The following ABCA13 variants were observed in gnomAD, a reference collection of about 807,000 sequenced individuals.
ABCA13 encodes the protein ATP binding cassette subfamily A member 13, also known as ATP-binding cassette sub-family A member 13.
ABCA13 carries 476 observed loss-of-function variants against 478.7 expected under a neutral mutation model. The observed-to-expected ratio is 0.99, with a 90% CI of 0.92 to 1.07. ABCA13 has a LOEUF of 1.07. Ranked by LOEUF, ABCA13 falls within the 50% of genes least tolerant of loss-of-function variation. The pLI is 0.00. For synonymous variants in ABCA13, 2,252 were observed against 2,158.9 expected, an observed-to-expected ratio of 1.04 and a Z score of -1.20; for missense variants, 6,060 against 5,910.6, an observed-to-expected ratio of 1.03 and a Z score of -0.83.
At chr7:48,469,560 T>C (rs1325641377) in intron 44 of ABCA13, among the ~76,000 whole-genome samples, 5 of 150,346 alleles carry the variant, frequency 3.3e-5, no homozygotes, top group African/African-American at 7.6e-5. Flanking sequence ...GGGTAGTTCT[T>C]GTAGAGAGCT....
chr7:48,219,574 T>C, intron 4 of ABCA13, 69 bp downstream of exon 4: 1 of 1,531,770 alleles, frequency 6.5e-7, no homozygotes, highest in South Asian at 1.3e-5. Flanking sequence ...GTGGAGGCTA[T>C]GAGAACCCAG....
intron 48 of ABCA13, among the ~76,000 whole-genome samples, chr7:48,493,933 C>T (rs1236780601): frequency 6.6e-6 from 1 of 152,148 alleles, no homozygotes; most frequent in African/African-American, 2.4e-5. Context: ...AGCAGGAAAA[C>T]AGACAGAAGT....
chr7:48,451,866 G>C (rs926071782), intron 42 of ABCA13, among the ~76,000 whole-genome samples: 2 of 152,170 alleles, frequency 1.3e-5, no homozygotes, highest in African/African-American at 4.8e-5. Flanking sequence ...TGATGGTCAG[G>C]ATAAATGGGA....
chr7:48,373,698 G>A (rs1371737574), intron 33 of ABCA13, among the ~76,000 whole-genome samples: 1 of 152,156 alleles, frequency 6.6e-6, no homozygotes, highest in Non-Finnish European at 1.5e-5. Flanking sequence ...AGTCATCCAT[G>A]ATCTGACCTG....
chr7:48,639,020 A>G (rs1794904957), intron 59 of ABCA13, among the ~76,000 whole-genome samples: 1 of 152,154 alleles, frequency 6.6e-6, no homozygotes, highest in Non-Finnish European at 1.5e-5. Flanking sequence ...CGCTTCTGTA[A>G]ATCAGAGGCA....
intron 5 of ABCA13, among the ~76,000 whole-genome samples, 196 bp from the exon 6 acceptor site, chr7:48,227,066 T>C (rs1039459276): frequency 2.0e-5 from 3 of 152,060 alleles, no homozygotes; most frequent in Non-Finnish European, 4.4e-5. Flanking sequence ...TAAAAAAAAA[T>C]CCTCCAACTG....
chr7:48,350,613 G>C (rs994515135), intron 29 of ABCA13, 30 bp from the exon 30 acceptor site: 1 of 1,551,308 alleles, frequency 6.4e-7, no homozygotes, highest in Non-Finnish European at 8.7e-7. Flanking sequence ...TACAGAAGTT[G>C]ATGTGTCCTA....
At chr7:48,573,907 A>G (rs1261431003) in intron 55 of ABCA13, among the ~76,000 whole-genome samples, 5 of 152,060 alleles carry the variant, frequency 3.3e-5, no homozygotes, top group Non-Finnish European at 7.3e-5. Flanking sequence ...TGGCTTATAA[A>G]GGACCATCTT....
chr7:48,268,380 A>G (rs1054079581), intron 15 of ABCA13, among the ~76,000 whole-genome samples: 2 of 151,664 alleles, frequency 1.3e-5, no homozygotes, highest in African/African-American at 4.8e-5. Context: ...GCTAGTCTCA[A>G]ACTCCTGACC....
intron 42 of ABCA13, among the ~76,000 whole-genome samples, chr7:48,450,935 C>A (rs10260644): frequency 2.3e-4 from 35 of 150,486 alleles, no homozygotes; most frequent in African/African-American, 8.6e-4. Flanking sequence ...AATACCTACA[C>A]ATTAAATACT....
intron 1 of ABCA13, among the ~76,000 whole-genome samples, chr7:48,189,847 G>C (rs1796860130): frequency 6.6e-6 from 1 of 152,112 alleles, no homozygotes; most frequent in Non-Finnish European, 1.5e-5. Flanking sequence ...GAAAGTATTT[G>C]TAATACCATA....
At chr7:48,449,907 CA>C (rs1342045799) in intron 42 of ABCA13, among the ~76,000 whole-genome samples, 1 of 152,218 alleles carries the variant, frequency 6.6e-6, no homozygotes, top group Non-Finnish European at 1.5e-5. Flanking sequence ...CTACCTGTCA[CA>C]AACATGTTTT....
rs557214708 is a variant in ABCA13, at chr7:48,590,800, G to A, written c.14640+3512G>A. On this transcript the variant is annotated intron_variant, in intron 57 of 61. Transcript: ENST00000435803. ...GCATGTCTTCTTTTGAGAAAAGTCT[G>A]TTCAAGTTTTTTGTCTATTTTTAAT... Among the ~76,000 whole-genome samples, 14 of 152,050 alleles carry A rather than the reference G, an allele frequency of 9.2e-5. 1 individual carries two copies. The South Asian group carries it at 2.9e-3, about 32-fold the overall frequency.
Position 48,520,231 on chromosome 7 carries a change from C to T in ABCA13, c.13988C>T (p.Ser4663Leu), listed in dbSNP as rs201250142. The change falls in exon 53 of 62, where the codon TCG becomes TTG. Residue 4663 changes from serine to leucine, a missense_variant. By Grantham distance (145) the Ser-to-Leu change is moderately radical. This residue lies in a region of ABCA13 where 1,627 missense variants were observed against 1,571.0 expected (regional missense o/e 1.04). Transcript: ENST00000435803. ...FLGWIFVQLA[S>L]QGTVLLLLRV... The stretch of plus-strand genomic sequence containing the variant: ...GGCTGGATCTTCGTGCAACTGGCCT[C>T]GCAGGGCACAGTACTTCTCCTCTTG... 1.1e-5 allele frequency: 18 copies of T among 1,613,438 alleles called. No homozygotes were observed. Among genetic ancestry groups the T allele is most frequent in the African/African-American group, 1.1e-4 (8 of 74,862 alleles).
At chr7:48,596,577 A>C (rs1176718036) in intron 58 of ABCA13, among the ~76,000 whole-genome samples, 1 of 152,122 alleles carries the variant, frequency 6.6e-6, no homozygotes, top group Non-Finnish European at 1.5e-5. Context: ...TTGGGAGGCC[A>C]AGGCGGGCGG....
rs187542522 is a variant in ABCA13 at position 48,414,510 on chromosome 7, A to C, written c.12459+1927A>C. Among the ~76,000 whole-genome samples, 903 of 150,882 alleles carry C rather than the reference A, an allele frequency of 6.0e-3. 2 individuals carry two copies. Among genetic ancestry groups the C allele is most frequent in the Non-Finnish European group, 9.2e-3 (625 of 67,742 alleles). On this transcript the variant is annotated intron_variant, in intron 41 of 61. Transcript: ENST00000435803. ...TCATCCAGCTATATTTTTAATATAAAATGAATATTTTATTATTTAATAAAA... is the reference window on the plus strand; with the variant it reads ...TCATCCAGCTATATTTTTAATATAACATGAATATTTTATTATTTAATAAAA...
At chr7:48,547,771 G>A (rs1198094255) in intron 55 of ABCA13, among the ~76,000 whole-genome samples, 1 of 151,840 alleles carries the variant, frequency 6.6e-6, no homozygotes. Flanking sequence ...TTATGAAATA[G>A]GTTTTATGTT....
At position 48,240,938 on chromosome 7, in the gene ABCA13, T is replaced by C; in HGVS notation, c.1134T>C (p.Ala378=). 1.2e-6 allele frequency: 2 copies of C among 1,613,472 alleles called. No individual in the cohort carries two copies. Among genetic ancestry groups the C allele is most frequent in the Non-Finnish European group, 1.7e-6 (2 of 1,179,532 alleles). Residue 378 remains alanine, a synonymous_variant, in exon 10 of 62, where the codon GCT becomes GCC. Coordinates refer to ENST00000435803, the MANE Select transcript of ABCA13 (RefSeq NM_152701.5). ...TLTGMGHSLE[A]LRNQFEEESK... ...CAGGCATGGGCCATAGTCTGGAGGC[T>C]CTCAGGAATCAGTTTGAAGAAGAGA...
At chr7:48,327,149 A>T (rs912276810) in intron 27 of ABCA13, among the ~76,000 whole-genome samples, 7 of 152,200 alleles carry the variant, frequency 4.6e-5, no homozygotes, top group Non-Finnish European at 1.0e-4. Flanking sequence ...GAAACTGGGT[A>T]ATTTATAAAG....
Sources: gnomAD v4.1 joint callset for allele counts (sites outside exome capture counted in the v4.1 genomes callset) on GRCh38, gnomAD v4.1.1 for gene constraint, gnomAD v4.1.1 regional missense constraint, MANE v1.5 for transcripts, NCBI Gene and HGNC (gene_info 2026-07-23, HGNC 2026-07-21) for gene names.